Variants in NRXN1 observed in about 807,000 individuals in gnomAD.
The protein encoded by NRXN1 is neurexin-1.
NRXN1 carries 39 observed loss-of-function variants against 150.9 expected under a neutral mutation model. The observed-to-expected ratio is 0.26, with a 90% CI of 0.20 to 0.34. The LOEUF is 0.34. NRXN1 is among the 10% of genes least tolerant of loss of function. The pLI is 1.00. For missense variants in NRXN1, 1,815 were observed against 1,949.9 expected (o/e 0.93, Z 1.30); for synonymous variants, 924 against 757.0 (o/e 1.22, Z -3.62).
intron 21 of NRXN1, among the ~76,000 whole-genome samples, chr2:50,014,630 T>A (rs1056976396): frequency 6.6e-6 from 1 of 152,202 alleles, no homozygotes; most frequent in Non-Finnish European, 1.5e-5. Flanking sequence ...CACGTTTCAG[T>A]TAAATTTCAT....
At position 50,963,366 on chromosome 2, in the gene NRXN1, A is replaced by G. The variant is rs191280276; in HGVS notation, c.773-37411T>C. 4.0e-4 allele frequency among the ~76,000 whole-genome samples: 61 copies of G among 151,220 alleles called. 1 individual carries two copies. Among genetic ancestry groups the G allele is most frequent in the African/African-American group, 1.4e-3 (59 of 41,350 alleles). On this transcript the variant is annotated intron_variant, in intron 2 of 22. Coordinates refer to ENST00000401669, the MANE Select transcript of NRXN1 (RefSeq NM_001330078.2). ...ATTTCCTTCCTTCTTTCTCCCTTTC[A>G]CTTTCCTCCTTTCATTCCCTGAAAA...
At chr2:51,030,579 G>A (rs550170137) in intron 1 of NRXN1, among the ~76,000 whole-genome samples, 1 of 151,324 alleles carries the variant, frequency 6.6e-6, no homozygotes, top group African/African-American at 2.4e-5. Flanking sequence ...CACAGTGTGG[G>A]TGTGCGCACA....
chr2:50,136,142 T>C (rs1006316449), intron 18 of NRXN1, among the ~76,000 whole-genome samples: 1 of 152,174 alleles, frequency 6.6e-6, no homozygotes, highest in Non-Finnish European at 1.5e-5. Context: ...AATTACTTTC[T>C]CCCTTCATAA....
intron 2 of NRXN1, among the ~76,000 whole-genome samples, chr2:51,008,858 G>C (rs1397377068): frequency 1.3e-5 from 2 of 151,492 alleles, no homozygotes; most frequent in African/African-American, 4.8e-5. Context: ...TAATATTAAG[G>C]TTATTTGGTA....
At chr2:50,969,721 C>G (rs1694710766) in intron 2 of NRXN1, among the ~76,000 whole-genome samples, 1 of 152,066 alleles carries the variant, frequency 6.6e-6, no homozygotes. Flanking sequence ...ATGACTATAT[C>G]TAGATCAAAG....
chr2:50,229,349 AAAGT>A (rs2064721044), intron 18 of NRXN1, among the ~76,000 whole-genome samples: 1 of 151,940 alleles, frequency 6.6e-6, no homozygotes, highest in Non-Finnish European at 1.5e-5. Context: ...GTGTGTAATA[AAAGT>A]AATTTTCCTG....
rs1195766914 is a variant in NRXN1, at chr2:50,755,409, C to T, written c.833-131794G>A. Among the ~76,000 whole-genome samples, 3 of 151,722 alleles carry T rather than the reference C, an allele frequency of 2.0e-5. No individual in the cohort carries two copies. The East Asian group carries it at 5.8e-4, about 30-fold the overall frequency. On this transcript the variant is annotated intron_variant, in intron 5 of 22. Coordinates refer to ENST00000401669, the MANE Select transcript of NRXN1 (RefSeq NM_001330078.2). ...TTCCAACATTATGTATCCCATTTAC[C>T]ATATGCCAAACACAAAACCAGAAAG... is the stretch of plus-strand genomic sequence containing the variant.
intron 17 of NRXN1, among the ~76,000 whole-genome samples, chr2:50,438,689 T>C (rs1187244831): frequency 6.6e-6 from 1 of 152,232 alleles, no homozygotes; most frequent in Non-Finnish European, 1.5e-5. Context: ...TATAGACCTG[T>C]CCTAAGTTTT....
At chr2:50,501,308 G>T (rs2091925790) in intron 13 of NRXN1, among the ~76,000 whole-genome samples, 1 of 151,928 alleles carries the variant, frequency 6.6e-6, no homozygotes, top group African/African-American at 2.4e-5. Context: ...GGGAGCGCCA[G>T]GGTCCAGATT....
intron 18 of NRXN1, among the ~76,000 whole-genome samples, chr2:50,230,532 A>G (rs1297299936): frequency 6.6e-6 from 1 of 152,086 alleles, no homozygotes; most frequent in African/African-American, 2.4e-5. Flanking sequence ...ATAGAAAAGT[A>G]CTCAGAATGG....
At chr2:50,788,829 T>A (rs1705525734) in intron 5 of NRXN1, among the ~76,000 whole-genome samples, 1 of 152,158 alleles carries the variant, frequency 6.6e-6, no homozygotes, top group Non-Finnish European at 1.5e-5. Context: ...GTAAAATGGA[T>A]AATTAAACAC....
chr2:50,399,362 T>A (rs2082247592), intron 17 of NRXN1, among the ~76,000 whole-genome samples: 1 of 152,134 alleles, frequency 6.6e-6, no homozygotes, highest in Non-Finnish European at 1.5e-5. Context: ...GGAAATGTTT[T>A]CCAGCACTGT....
chr2:50,453,886 A>C (rs2087247449), intron 17 of NRXN1, among the ~76,000 whole-genome samples: 1 of 152,194 alleles, frequency 6.6e-6, no homozygotes, highest in Non-Finnish European at 1.5e-5. Context: ...CTTAAAGCTT[A>C]CATAAAAAAG....
intron 5 of NRXN1, among the ~76,000 whole-genome samples, chr2:50,830,268 G>A (rs1270036424): frequency 6.6e-6 from 1 of 152,056 alleles, no homozygotes; most frequent in African/African-American, 2.4e-5. Flanking sequence ...TGGATTAGGA[G>A]GGAGGGTGAG....
chr2:50,266,694 C>T (rs2068940372), intron 17 of NRXN1, among the ~76,000 whole-genome samples: 1 of 151,984 alleles, frequency 6.6e-6, no homozygotes, highest in Admixed American at 6.6e-5. Context: ...CAAACTCTGA[C>T]CCTGTCTACT....
chr2:50,834,050 T>C (rs1051085384), intron 5 of NRXN1, among the ~76,000 whole-genome samples: 2 of 152,160 alleles, frequency 1.3e-5, no homozygotes, highest in Non-Finnish European at 2.9e-5. Flanking sequence ...AAATACTTAA[T>C]GTAAAACTAG....
At position 50,236,850 on chromosome 2, in the gene NRXN1, T is replaced by A. The variant is rs1209524290; in HGVS notation, c.3485A>T (p.Glu1162Val). 6.2e-7 allele frequency: 1 copy of A among 1,613,340 alleles called. No homozygotes were observed. Among genetic ancestry groups the A allele is most frequent in the Non-Finnish European group, 8.5e-7 (1 of 1,179,626 alleles). Residue 1162 changes from glutamate (E) to valine (V), a missense_variant, in exon 18 of 23, where the codon GAA becomes GTA. Around this residue, in one of 6 missense-constraint regions of NRXN1, gnomAD observed 339 missense variants for 440.3 expected, o/e 0.77. Coordinates refer to ENST00000401669, the MANE Select transcript of NRXN1 (RefSeq NM_001330078.2). ...ACTGTCCACTCGCACCAATACGGCT[T>A]CTTTCTGAACAGTGCTAAAACCTAT... Reference protein sequence around the residue: ...LAIGFSTVQKEAVLVRVDSSS... With the variant: ...LAIGFSTVQKVAVLVRVDSSS...
chr2:50,847,703 G>A (rs962606002), intron 5 of NRXN1, among the ~76,000 whole-genome samples: 2 of 152,182 alleles, frequency 1.3e-5, no homozygotes, highest in African/African-American at 2.4e-5. Flanking sequence ...TGGACGGCGA[G>A]AGAACATCGA....
chr2:50,201,597 A>G (rs528874456), intron 18 of NRXN1, among the ~76,000 whole-genome samples: 3 of 152,326 alleles, frequency 2.0e-5, no homozygotes, highest in Admixed American at 6.5e-5. Flanking sequence ...CCATATCTCA[A>G]TGAACTGGTT....
Sources: allele counts gnomAD v4.1 joint callset (sites outside exome capture counted in the v4.1 genomes callset), GRCh38; gene constraint gnomAD v4.1.1; regional missense constraint gnomAD v4.1.1; transcripts MANE v1.5; gene names NCBI Gene and HGNC (gene_info 2026-07-23, HGNC 2026-07-21).